Variants in FOXP2 observed in about 807,000 individuals in gnomAD.
FOXP2 encodes the protein forkhead box P2.
Under a neutral mutation model 115.8 loss-of-function variants are expected in FOXP2, and 12 were observed. The observed-to-expected ratio is 0.10, with a 90% CI of 0.07 to 0.17. The LOEUF is 0.17. FOXP2 is among the 10% of genes least tolerant of loss of function. The pLI is 1.00. For synonymous variants in FOXP2, 328 were observed against 297.7 expected (o/e 1.10, Z -1.05); for missense variants, 629 against 843.5 (o/e 0.75, Z 3.15).
chr7:114,326,001 T>A (rs1465326142), intron 2 of FOXP2, among the ~76,000 whole-genome samples: 1 of 152,090 alleles, frequency 6.6e-6, no homozygotes, highest in Non-Finnish European at 1.5e-5. Context: ...ATGATAATAA[T>A]CAGTGTGTGC....
chr7:114,382,261 C>T (rs1171522577), intron 2 of FOXP2, among the ~76,000 whole-genome samples: 1 of 152,276 alleles, frequency 6.6e-6, no homozygotes, highest in East Asian at 1.9e-4. Context: ...ACCCTTCTGA[C>T]CCTCAATGGT....
intron 1 of FOXP2, among the ~76,000 whole-genome samples, chr7:114,198,793 G>T (rs990230019): frequency 6.6e-6 from 1 of 152,178 alleles, no homozygotes; most frequent in Non-Finnish European, 1.5e-5. Context: ...AGAAGAGTGG[G>T]GAGAAGGAGA....
chr7:114,594,355 C>T (rs539343700), intron 3 of FOXP2, among the ~76,000 whole-genome samples: 20 of 152,176 alleles, frequency 1.3e-4, no homozygotes, highest in Middle Eastern at 3.4e-3. Flanking sequence ...TCACCCACAT[C>T]TTCCACTTAA....
At chr7:114,149,394 A>G (rs376891549) in intron 1 of FOXP2, among the ~76,000 whole-genome samples, 2 of 152,072 alleles carry the variant, frequency 1.3e-5, no homozygotes, top group East Asian at 3.9e-4. Context: ...TAAGTTTTCC[A>G]TATAAACTAA....
intron 3 of FOXP2, among the ~76,000 whole-genome samples, chr7:114,627,809 T>C (rs1015476366): frequency 1.3e-5 from 2 of 152,154 alleles, no homozygotes; most frequent in Non-Finnish European, 2.9e-5. Flanking sequence ...GTACTTCCTA[T>C]TATAAGCTCA....
intron 1 of FOXP2, among the ~76,000 whole-genome samples, chr7:114,185,713 G>C (rs1274983563): frequency 1.3e-5 from 2 of 152,088 alleles, no homozygotes; most frequent in African/African-American, 4.8e-5. Context: ...TCACTAGCAA[G>C]AATTCTAAAC....
intron 2 of FOXP2, among the ~76,000 whole-genome samples, chr7:114,500,165 G>A (rs1584813622): frequency 6.9e-6 from 1 of 144,714 alleles, no homozygotes; most frequent in South Asian, 2.2e-4. Context: ...GCAGTGAGCC[G>A]AGATCACGCA....
intron 1 of FOXP2, among the ~76,000 whole-genome samples, chr7:114,206,683 C>A (rs1194825566): frequency 6.6e-6 from 1 of 152,102 alleles, no homozygotes; most frequent in Non-Finnish European, 1.5e-5. Context: ...AGTCATTTTC[C>A]CACTTTATAC....
chr7:114,180,221 C>A (rs116328681), intron 1 of FOXP2, among the ~76,000 whole-genome samples: 2 of 151,938 alleles, frequency 1.3e-5, no homozygotes, highest in Non-Finnish European at 2.9e-5. Context: ...AGTTTTTAAT[C>A]GCTTGTCTTC....
chr7:114,314,528 GATATTGTATTAATATGAAGAT>G (rs1797227237), intron 2 of FOXP2, among the ~76,000 whole-genome samples: 1 of 152,068 alleles, frequency 6.6e-6, no homozygotes, highest in Admixed American at 6.6e-5. Flanking sequence ...AAAAGCCTAT[GATATTGTATTAATATGAAGAT>G]ATAGTCTTAT....
At chr7:114,222,957 A>T (rs977070897) in intron 1 of FOXP2, among the ~76,000 whole-genome samples, 1 of 152,220 alleles carries the variant, frequency 6.6e-6, no homozygotes, top group Non-Finnish European at 1.5e-5. Flanking sequence ...CAGGTTTACT[A>T]TTTATTATTA....
At chr7:114,501,610 AG>A (rs1797568409) in intron 2 of FOXP2, among the ~76,000 whole-genome samples, 2 of 152,166 alleles carry the variant, frequency 1.3e-5, no homozygotes, top group African/African-American at 4.8e-5. Context: ...GCAACCTTGA[AG>A]CTGTGAAACA....
intron 1 of FOXP2, among the ~76,000 whole-genome samples, chr7:114,103,062 T>C (rs935544831): frequency 6.6e-6 from 1 of 152,044 alleles, no homozygotes; most frequent in Non-Finnish European, 1.5e-5. Flanking sequence ...GAACCATGAA[T>C]AACAATTACA....
intron 16 of FOXP2, among the ~76,000 whole-genome samples, chr7:114,688,813 A>G (rs1201857659): frequency 1.3e-5 from 2 of 152,168 alleles, no homozygotes; most frequent in Admixed American, 1.3e-4. Context: ...ATGTATCATC[A>G]TGTCTCACTG....
In FOXP2 at chr7:114,690,611, C is replaced by T; in HGVS notation, c.*685C>T. 4.4e-6 allele frequency: 2 copies of T among 454,102 alleles called. No individual in the cohort carries two copies. The highest frequency in any genetic ancestry group is 8.8e-6 in the Non-Finnish European group (2 of 226,778). The allele number at this position is 454,102 out of a possible 1,614,324, so 28.1% of individuals were successfully genotyped here. On this transcript the variant is annotated 3_prime_UTR_variant, in exon 17 of 17. Coordinates refer to ENST00000350908, the MANE Select transcript of FOXP2 (RefSeq NM_014491.4). ...GCTGTTAGTGTTAAGATGTAAAGTGCAATCCTAAGCTAACATTATCTGTGC... is the reference window on the plus strand; with the variant it reads ...GCTGTTAGTGTTAAGATGTAAAGTGTAATCCTAAGCTAACATTATCTGTGC...
chr7:114,418,654 G>T (rs1053233915), intron 1 of FOXP2, among the ~76,000 whole-genome samples: 8 of 149,702 alleles, frequency 5.3e-5, no homozygotes, highest in African/African-American at 1.9e-4. Context: ...GAACTTTCTG[G>T]TGATGATTGA....
intron 3 of FOXP2, among the ~76,000 whole-genome samples, chr7:114,618,546 A>G (rs778815900): frequency 2.6e-5 from 4 of 152,184 alleles, no homozygotes; most frequent in Non-Finnish European, 4.4e-5. Flanking sequence ...TCCTCAGACA[A>G]GGTTTGCCTG....
At chr7:114,170,983 G>A (rs139790615) in intron 1 of FOXP2, among the ~76,000 whole-genome samples, 5 of 152,336 alleles carry the variant, frequency 3.3e-5, no homozygotes, top group African/African-American at 9.6e-5. Context: ...GAATTTTCTA[G>A]CTAGAGAAGT....
At chr7:114,345,068 A>T (rs1357273836) in intron 2 of FOXP2, among the ~76,000 whole-genome samples, 1 of 151,892 alleles carries the variant, frequency 6.6e-6, no homozygotes, top group Non-Finnish European at 1.5e-5. Flanking sequence ...GTGACAAGAA[A>T]TATAAAACAA....
Sources: allele counts gnomAD v4.1 joint callset (sites outside exome capture counted in the v4.1 genomes callset), GRCh38; gene constraint gnomAD v4.1.1; transcripts MANE v1.5; gene names NCBI Gene and HGNC (gene_info 2026-07-23, HGNC 2026-07-21).